The following PSEN1 variants were observed in gnomAD, a reference collection of about 807,000 sequenced individuals.
PSEN1 encodes presenilin-1.
PSEN1 carries 15 observed loss-of-function variants against 53.5 expected under a neutral mutation model. That is an observed-to-expected ratio of 0.28 (90% CI 0.19 to 0.43). PSEN1 has a LOEUF of 0.43. PSEN1 is among the 20% of genes least tolerant of loss of function. The probability of loss-of-function intolerance (pLI) is 1.00; values close to 1 mark genes in which losing one functional copy is unlikely to be tolerated. For synonymous variants in PSEN1, 208 were observed against 209.8 expected (o/e 0.99, Z 0.08); for missense variants, 387 against 571.2 (o/e 0.68, Z 3.29).
chr14:73,211,698 T>C (rs1899688428), intron 9 of PSEN1, 71 bp from the exon 10 acceptor site: 10 of 1,533,386 alleles, frequency 6.5e-6, no homozygotes, highest in Non-Finnish European at 9.0e-6. Context: ...AGTTACTGTT[T>C]CCATGTAATT....
intron 5 of PSEN1, among the ~76,000 whole-genome samples, chr14:73,177,602 A>T (rs1436630490): frequency 1.3e-5 from 2 of 152,148 alleles, no homozygotes; most frequent in African/African-American, 4.8e-5. Flanking sequence ...TCCCCTTAGG[A>T]TGTTTTAATT....
chr14:73,221,178 A>G lies in PSEN1; in HGVS notation c.*1889A>G, dbSNP rs1220105113. 3.9e-5 allele frequency: 6 copies of G among 152,364 alleles called. No homozygotes were observed. In the East Asian group the frequency reaches 9.6e-4, roughly 24 times the overall value. The allele number at this position is 152,364 out of a possible 1,614,324, so 9.4% of individuals were successfully genotyped here. ...GTCACAGACAGGAAAAATAAGAGCTATGCAAAGAAAGGGGGATTTAAAGTA... is the reference window on the plus strand; with the variant it reads ...GTCACAGACAGGAAAAATAAGAGCTGTGCAAAGAAAGGGGGATTTAAAGTA... On this transcript the variant is annotated 3_prime_UTR_variant, in exon 12 of 12. Coordinates refer to ENST00000324501, the MANE Select transcript of PSEN1 (RefSeq NM_000021.4).
chr14:73,187,359 C>CA (rs1322047490), intron 6 of PSEN1, among the ~76,000 whole-genome samples: 10 of 152,060 alleles, frequency 6.6e-5, no homozygotes, highest in Admixed American at 5.2e-4. Context: ...TCTAGTCTGT[C>CA]AAAGAGAATA....
At chr14:73,138,461 C>T (rs1358022060) in intron 1 of PSEN1, among the ~76,000 whole-genome samples, 5 of 150,714 alleles carry the variant, frequency 3.3e-5, no homozygotes, top group Non-Finnish European at 7.4e-5. Flanking sequence ...CCTCGTGATC[C>T]GCCCGCCTCG....
chr14:73,192,767 A>G lies in PSEN1; in HGVS notation c.672A>G (p.Ala224=), dbSNP rs1898776525. Residue 224 remains alanine, a synonymous_variant, in exon 7 of 12, where the codon GCA becomes GCG. Transcript: ENST00000324501. ...HWKGPLRLQQ[A]YLIMISALMA... ...AAGGTCCACTTCGACTCCAGCAGGC[A>G]TATCTCATTATGATTAGTGCCCTCA... 2 of 1,613,818 alleles carry G rather than the reference A, an allele frequency of 1.2e-6. No individual in the cohort carries two copies. The highest frequency in any genetic ancestry group is 1.3e-5 in the African/African-American group (1 of 74,896).
intron 10 of PSEN1, 152 bp downstream of exon 10, chr14:73,212,094 T>C (rs1899720621): frequency 8.7e-5 from 12 of 137,790 alleles, no homozygotes; most frequent in South Asian, 5.6e-4. Flanking sequence ...AGTGCTTTTT[T>C]TTTTTTTTTT....
At chr14:73,208,212 G>T (rs1471711308) in intron 9 of PSEN1, among the ~76,000 whole-genome samples, 1 of 152,166 alleles carries the variant, frequency 6.6e-6, no homozygotes, top group African/African-American at 2.4e-5. Flanking sequence ...CGTGGCAAGT[G>T]GGGGGCACGT....
chr14:73,214,026 T>A (rs1216618153), intron 10 of PSEN1, among the ~76,000 whole-genome samples: 1 of 152,192 alleles, frequency 6.6e-6, no homozygotes, highest in East Asian at 1.9e-4. Context: ...CAAAGACACA[T>A]ATACAATGGT....
intron 3 of PSEN1, among the ~76,000 whole-genome samples, chr14:73,158,063 G>A (rs1594978451): frequency 6.6e-6 from 1 of 151,604 alleles, no homozygotes; most frequent in Non-Finnish European, 1.5e-5. Flanking sequence ...TCCATGTTAT[G>A]TGGTTCCTTT....
intron 5 of PSEN1, among the ~76,000 whole-genome samples, chr14:73,183,953 G>T (rs1450703541): frequency 7.1e-6 from 1 of 141,364 alleles, no homozygotes; most frequent in Non-Finnish European, 1.5e-5. Flanking sequence ...CCTCCCGGAC[G>T]GGGCGGCTGG....
intron 5 of PSEN1, among the ~76,000 whole-genome samples, chr14:73,180,630 A>T (rs1286119046): frequency 6.6e-6 from 1 of 152,244 alleles, no homozygotes; most frequent in African/African-American, 2.4e-5. Context: ...TTATAAAAGG[A>T]ACTATAACTT....
chr14:73,159,505 A>G (rs1052301535), intron 3 of PSEN1, among the ~76,000 whole-genome samples: 3 of 152,160 alleles, frequency 2.0e-5, no homozygotes, highest in African/African-American at 7.2e-5. Context: ...GTTGATTGTT[A>G]TACGTGGTCC....
At chr14:73,152,766 G>A (rs934231886) in intron 3 of PSEN1, among the ~76,000 whole-genome samples, 2 of 152,080 alleles carry the variant, frequency 1.3e-5, no homozygotes, top group Non-Finnish European at 2.9e-5. Context: ...ATATTCGCTG[G>A]GCATGGTGGC....
intron 5 of PSEN1, among the ~76,000 whole-genome samples, chr14:73,186,243 G>T (rs928394661): frequency 1.3e-5 from 2 of 152,114 alleles, no homozygotes; most frequent in African/African-American, 4.8e-5. Context: ...GCCAGGTGTG[G>T]TGGCACATGT....
chr14:73,159,613 T>A (rs562315927), intron 3 of PSEN1, among the ~76,000 whole-genome samples: 4 of 152,336 alleles, frequency 2.6e-5, no homozygotes, highest in African/African-American at 9.6e-5. Context: ...AGTGCCTTTG[T>A]ACCTTTGCAA....
At chr14:73,185,750 C>T (rs1258651011) in intron 5 of PSEN1, among the ~76,000 whole-genome samples, 3 of 152,120 alleles carry the variant, frequency 2.0e-5, no homozygotes, top group Non-Finnish European at 4.4e-5. Flanking sequence ...TGGGGTTCAC[C>T]ATATTGGCCA....
chr14:73,151,374 A>T (rs893762764), intron 3 of PSEN1, among the ~76,000 whole-genome samples: 1 of 152,164 alleles, frequency 6.6e-6, no homozygotes, highest in Non-Finnish European at 1.5e-5. Context: ...GATTGGATAT[A>T]TGGATCTTAG....
intron 4 of PSEN1, 144 bp downstream of exon 4, chr14:73,171,191 G>A (rs1448250427): frequency 1.1e-6 from 1 of 938,178 alleles, no homozygotes; most frequent in Non-Finnish European, 1.7e-6. Context: ...GAGCAGTTGA[G>A]AGAGCGAGGG....
At chr14:73,212,170 G>T (rs1254601099) in intron 10 of PSEN1, among the ~76,000 whole-genome samples, 1 of 122,064 alleles carries the variant, frequency 8.2e-6, no homozygotes, top group Non-Finnish European at 1.6e-5. Flanking sequence ...GAGTGCAATG[G>T]TGCGATCTTG....
Sources: allele counts gnomAD v4.1 joint callset (sites outside exome capture counted in the v4.1 genomes callset), GRCh38; gene constraint gnomAD v4.1.1; transcripts MANE v1.5; gene names NCBI Gene and HGNC (gene_info 2026-07-23, HGNC 2026-07-21).